ROBO1: variants seen among roughly 807,000 people sequenced by gnomAD.
ROBO1 encodes roundabout homolog 1.
A neutral mutation model predicts 195.9 loss-of-function variants in ROBO1; 149 were observed. The observed-to-expected ratio is 0.76, with a 90% CI of 0.67 to 0.87. ROBO1 has a LOEUF of 0.87. Among genes scored for constraint, ROBO1 ranks in the 40% least tolerant of loss-of-function variants. The pLI is 0.00. For missense variants in ROBO1, 1,933 were observed against 2,068.3 expected (o/e 0.93, Z 1.27); for synonymous variants, 816 against 733.2 (o/e 1.11, Z -1.82).
At chr3:78,981,500 A>C (rs1011820434) in intron 3 of ROBO1, among the ~76,000 whole-genome samples, 1 of 152,160 alleles carries the variant, frequency 6.6e-6, no homozygotes. Context: ...ATCATTTTTA[A>C]ATAGACAATC....
chr3:79,654,304 C>A (rs1576183266), intron 1 of ROBO1, among the ~76,000 whole-genome samples: 4 of 151,868 alleles, frequency 2.6e-5, no homozygotes, highest in East Asian at 3.9e-4. Flanking sequence ...CTTAAAATGA[C>A]CGTAGTTTTG....
chr3:79,291,868 T>C (rs988273762), intron 2 of ROBO1, among the ~76,000 whole-genome samples: 1 of 152,218 alleles, frequency 6.6e-6, no homozygotes, highest in Non-Finnish European at 1.5e-5. Context: ...TAATTACTTA[T>C]GCCAAATATT....
chr3:79,313,203 A>G (rs1403566973), intron 2 of ROBO1, among the ~76,000 whole-genome samples: 1 of 150,978 alleles, frequency 6.6e-6, no homozygotes, highest in Admixed American at 6.6e-5. Flanking sequence ...AAAAAAAAAA[A>G]TTCTGGTGTA....
chr3:79,448,755 T>C (rs1439161021), intron 2 of ROBO1, among the ~76,000 whole-genome samples: 1 of 152,180 alleles, frequency 6.6e-6, no homozygotes, highest in East Asian at 1.9e-4. Context: ...ATAATTAAGT[T>C]AAAATGGAAC....
intron 2 of ROBO1, among the ~76,000 whole-genome samples, chr3:79,549,405 C>G (rs2107666953): frequency 6.6e-6 from 1 of 152,168 alleles, no homozygotes; most frequent in South Asian, 2.1e-4. Flanking sequence ...CACAACCAAC[C>G]CTTACTAGGG....
chr3:79,313,801 A>T (rs894116376), intron 2 of ROBO1, among the ~76,000 whole-genome samples: 1 of 152,148 alleles, frequency 6.6e-6, no homozygotes, highest in Admixed American at 6.5e-5. Context: ...TAAACAGATG[A>T]ATAAGAATGA....
intron 2 of ROBO1, among the ~76,000 whole-genome samples, chr3:79,164,128 AAC>A (rs1159455590): frequency 6.6e-6 from 1 of 152,024 alleles, no homozygotes; most frequent in African/African-American, 2.4e-5. Context: ...AGGGTGGGGG[AAC>A]TAAAACAAAG....
At chr3:78,817,925 ATAT>A (rs1234100997) in intron 4 of ROBO1, among the ~76,000 whole-genome samples, 2 of 152,122 alleles carry the variant, frequency 1.3e-5, no homozygotes, top group Admixed American at 6.5e-5. Context: ...TTATTTTTCC[ATAT>A]TATATCCCAG....
At chr3:79,624,244 C>A (rs373362820) in intron 1 of ROBO1, among the ~76,000 whole-genome samples, 1 of 151,848 alleles carries the variant, frequency 6.6e-6, no homozygotes, top group African/African-American at 2.4e-5. Flanking sequence ...TTCAAAAAAA[C>A]GGCAAAATAT....
chr3:79,282,209 C>T (rs576949015), intron 2 of ROBO1, among the ~76,000 whole-genome samples: 1 of 151,992 alleles, frequency 6.6e-6, no homozygotes, highest in Non-Finnish European at 1.5e-5. Flanking sequence ...GGTGATGAAA[C>T]CTTAATTAAG....
At chr3:79,265,443 A>C (rs1426753788) in intron 2 of ROBO1, among the ~76,000 whole-genome samples, 1 of 151,658 alleles carries the variant, frequency 6.6e-6, no homozygotes. Flanking sequence ...ACAATTATAC[A>C]ATATGAATAA....
chr3:78,728,963 G>C (rs780698908), intron 5 of ROBO1, among the ~76,000 whole-genome samples: 3 of 152,170 alleles, frequency 2.0e-5, no homozygotes, highest in Non-Finnish European at 4.4e-5. Context: ...AAACACACTT[G>C]ATCATCAGAG....
rs187038559 is a variant in ROBO1, at chr3:79,304,958, C to G, written c.89-179419G>C. Among the ~76,000 whole-genome samples, 46 of 152,274 alleles carry G rather than the reference C, an allele frequency of 3.0e-4. No homozygotes were observed. In the East Asian group the frequency reaches 6.7e-3, roughly 22 times the overall value. ...CTGCCAAACTGTTTTCCAAAAAGTTCCATTTTCCTGAAGTGTATGCGAGTT... is the reference window on the plus strand; with the variant it reads ...CTGCCAAACTGTTTTCCAAAAAGTTGCATTTTCCTGAAGTGTATGCGAGTT... On this transcript the variant is annotated intron_variant, in intron 2 of 30. Transcript: ENST00000464233.
chr3:79,102,028 C>T (rs1320647966), intron 3 of ROBO1, among the ~76,000 whole-genome samples: 1 of 151,728 alleles, frequency 6.6e-6, no homozygotes, highest in African/African-American at 2.4e-5. Context: ...ATTTCCACAC[C>T]ATTATTCTTT....
intron 2 of ROBO1, among the ~76,000 whole-genome samples, chr3:79,267,105 G>A (rs1418003762): frequency 6.6e-6 from 1 of 151,350 alleles, no homozygotes; most frequent in African/African-American, 2.4e-5. Flanking sequence ...AATATAAATT[G>A]TAAAAATCAG....
At chr3:79,198,520 G>A (rs147774721) in intron 2 of ROBO1, among the ~76,000 whole-genome samples, 1 of 151,950 alleles carries the variant, frequency 6.6e-6, no homozygotes, top group Non-Finnish European at 1.5e-5. Context: ...TGGCTATGAG[G>A]GGTCTTTTTT....
chr3:79,484,504 T>C (rs142568010), intron 2 of ROBO1, among the ~76,000 whole-genome samples: 1 of 151,314 alleles, frequency 6.6e-6, no homozygotes, highest in Admixed American at 6.6e-5. Flanking sequence ...TATATATATA[T>C]GTGTGTGTGT....
At chr3:78,737,171 C>T (rs1037187615) in intron 5 of ROBO1, among the ~76,000 whole-genome samples, 1 of 152,086 alleles carries the variant, frequency 6.6e-6, no homozygotes, top group Non-Finnish European at 1.5e-5. Flanking sequence ...AATGTTCACC[C>T]AAAATACCCC....
intron 4 of ROBO1, among the ~76,000 whole-genome samples, chr3:78,919,071 T>A (rs1352211033): frequency 6.6e-6 from 1 of 152,194 alleles, no homozygotes; most frequent in African/African-American, 2.4e-5. Flanking sequence ...TTCTAAAGTG[T>A]CATATTAAGA....
Sources: gnomAD v4.1 joint callset for allele counts (sites outside exome capture counted in the v4.1 genomes callset) on GRCh38, gnomAD v4.1.1 for gene constraint, MANE v1.5 for transcripts, NCBI Gene and HGNC (gene_info 2026-07-23, HGNC 2026-07-21) for gene names.